The following ABLIM1 variants were observed in gnomAD, a reference collection of about 807,000 sequenced individuals.
ABLIM1 encodes the protein actin binding LIM protein 1, also known as actin-binding LIM protein 1.
In ABLIM1, 40 loss-of-function variants were observed where a neutral mutation model predicts 107.0. The observed-to-expected ratio is 0.37, with a 90% CI of 0.29 to 0.49. ABLIM1 has a LOEUF of 0.49. ABLIM1 is among the 20% of genes least tolerant of loss of function. ABLIM1 has a pLI of 0.97. For missense variants in ABLIM1, 857 were observed against 1,008.5 expected, an observed-to-expected ratio of 0.85 and a Z score of 2.04; for synonymous variants, 357 against 357.3, an observed-to-expected ratio of 1.00 and a Z score of 0.01.
intron 1 of ABLIM1, among the ~76,000 whole-genome samples, chr10:114,756,241 A>G (rs542517321): frequency 6.6e-6 from 1 of 152,124 alleles, no homozygotes; most frequent in Non-Finnish European, 1.5e-5. Flanking sequence ...AATCCTATGC[A>G]CATTTGTTCA....
intron 1 of ABLIM1, among the ~76,000 whole-genome samples, chr10:114,647,015 A>G (rs2079039321): frequency 6.6e-6 from 1 of 152,142 alleles, no homozygotes; most frequent in African/African-American, 2.4e-5. Flanking sequence ...TTTATTTTTG[A>G]GACAGGGTCT....
At chr10:114,600,480 A>G (rs1015973391) in intron 2 of ABLIM1, among the ~76,000 whole-genome samples, 1 of 152,130 alleles carries the variant, frequency 6.6e-6, no homozygotes, top group African/African-American at 2.4e-5. Context: ...AGTGTAAGGA[A>G]CAGCTGTGGA....
intron 1 of ABLIM1, among the ~76,000 whole-genome samples, chr10:114,690,977 A>C (rs7075935): frequency 0.5 from 76,212 of 152,126 alleles, 19,345 homozygotes; most frequent in South Asian, 0.62. Context: ...CCACCTCGCC[A>C]GGCCCTGGCT....
intron 21 of ABLIM1, 90 bp from the exon 22 acceptor site, chr10:114,438,014 G>C: frequency 8.4e-7 from 1 of 1,187,330 alleles, no homozygotes; most frequent in East Asian, 2.4e-5. Context: ...TCCCAAGATA[G>C]AGCTTCCAAG....
chr10:114,469,124 C>A (rs2133819157), intron 10 of ABLIM1, among the ~76,000 whole-genome samples: 1 of 149,756 alleles, frequency 6.7e-6, no homozygotes, highest in African/African-American at 2.5e-5. Flanking sequence ...TTAAGCTAGA[C>A]AAGTTGGAAC....
At chr10:114,460,030 T>C (rs1366020660) in intron 12 of ABLIM1, among the ~76,000 whole-genome samples, 1 of 152,230 alleles carries the variant, frequency 6.6e-6, no homozygotes, top group Non-Finnish European at 1.5e-5. Flanking sequence ...GGATCATTCT[T>C]GGTCTAAGAG....
intron 4 of ABLIM1, among the ~76,000 whole-genome samples, chr10:114,548,200 C>T (rs2067610021): frequency 6.6e-6 from 1 of 152,340 alleles, no homozygotes; most frequent in South Asian, 2.1e-4. Flanking sequence ...ACACTATATA[C>T]GTGATTACTC....
chr10:114,789,953 C>CA, the ABLIM1 span, among the ~76,000 whole-genome samples: 2 of 152,266 alleles, frequency 1.3e-5, no homozygotes, highest in Non-Finnish European at 1.5e-5. Context: ...CCACCACGCC[C>CA]AGCTAATTTT....
chr10:114,450,458 CAG>C (rs1432309140), intron 14 of ABLIM1, among the ~76,000 whole-genome samples: 4 of 119,450 alleles, frequency 3.3e-5, no homozygotes, highest in East Asian at 2.4e-4. Context: ...TTTTTGGCGA[CAG>C]AGTCTCATTC....
At chr10:114,692,812 C>G (rs1427645508) in intron 1 of ABLIM1, among the ~76,000 whole-genome samples, 2 of 152,180 alleles carry the variant, frequency 1.3e-5, no homozygotes, top group Non-Finnish European at 2.9e-5. Context: ...ATTGCTTGAA[C>G]CCGGGAGACA....
intron 1 of ABLIM1, among the ~76,000 whole-genome samples, chr10:114,670,770 T>C (rs375990878): frequency 1.3e-5 from 2 of 152,388 alleles, no homozygotes; most frequent in Admixed American, 6.5e-5. Flanking sequence ...GTTGGGATTA[T>C]AGGCGTAAGC....
chr10:114,762,539 T>C (rs1204111676), intron 1 of ABLIM1, among the ~76,000 whole-genome samples: 1 of 152,230 alleles, frequency 6.6e-6, no homozygotes, highest in African/African-American at 2.4e-5. Flanking sequence ...TTTTCCTTTA[T>C]TGGATTTTTC....
intron 6 of ABLIM1, among the ~76,000 whole-genome samples, chr10:114,515,583 G>A (rs184646455): frequency 6.6e-6 from 1 of 152,314 alleles, no homozygotes; most frequent in East Asian, 1.9e-4. Context: ...TTCTGCTTCA[G>A]CTGATGTTAC....
At chr10:114,493,711 A>G (rs1415371104) in intron 6 of ABLIM1, among the ~76,000 whole-genome samples, 3 of 86,912 alleles carry the variant, frequency 3.5e-5, no homozygotes. Context: ...AAACCCTCCA[A>G]TGCAAGATCT....
At chr10:114,712,271 T>C (rs913913617) in intron 1 of ABLIM1, among the ~76,000 whole-genome samples, 1 of 147,656 alleles carries the variant, frequency 6.8e-6, no homozygotes, top group Non-Finnish European at 1.5e-5. Context: ...GAGAATCACT[T>C]GAACCCGGGA....
chr10:114,617,578 T>C (rs2077209222), intron 1 of ABLIM1, among the ~76,000 whole-genome samples: 1 of 152,046 alleles, frequency 6.6e-6, no homozygotes. Context: ...TCTCACCACC[T>C]ACTTCTTAGT....
chr10:114,640,821 G>C (rs1030030603), intron 1 of ABLIM1, among the ~76,000 whole-genome samples: 8 of 152,116 alleles, frequency 5.3e-5, no homozygotes, highest in African/African-American at 1.7e-4. Flanking sequence ...TGAGTTGAGA[G>C]AATCTGGGGA....
chr10:114,467,933 C>G (rs1224448983), intron 11 of ABLIM1, among the ~76,000 whole-genome samples: 3 of 152,214 alleles, frequency 2.0e-5, no homozygotes. Context: ...TTTGCTTCCA[C>G]TTACAGGCAC....
rs202090822 is a variant in ABLIM1, at chr10:114,443,309, A to AT, written c.1933+719dup. Among the ~76,000 whole-genome samples the AT allele has an allele frequency of 5.7e-3, 826 of 145,914 alleles. 3 individuals carry two copies. The highest frequency in any genetic ancestry group is 8.8e-3 in the Non-Finnish European group (588 of 66,888). ...TTCATCCTCAGTTCTTGTATTGAAG[A>AT]TTTTTTTTCTTTTTTTTTTTGAGAT... On this transcript the variant is annotated intron_variant, in intron 17 of 22. Coordinates refer to ENST00000533213, the MANE Select transcript of ABLIM1 (RefSeq NM_002313.7).
Sources: gnomAD v4.1 joint callset for allele counts (sites outside exome capture counted in the v4.1 genomes callset) on GRCh38, gnomAD v4.1.1 for gene constraint, MANE v1.5 for transcripts, NCBI Gene and HGNC (gene_info 2026-07-23, HGNC 2026-07-21) for gene names.